PTK2: variants seen among roughly 807,000 people sequenced by gnomAD.
PTK2 encodes protein tyrosine kinase 2, also known as focal adhesion kinase 1.
PTK2 carries 45 observed loss-of-function variants against 150.1 expected under a neutral mutation model. The observed-to-expected ratio is 0.30, with a 90% CI of 0.24 to 0.38. The LOEUF is 0.38. PTK2 is among the 10% of genes least tolerant of loss of function. The pLI, the probability that PTK2 is intolerant of heterozygous loss-of-function variation, is 1.00. For synonymous variants in PTK2, 432 were observed against 449.2 expected, an observed-to-expected ratio of 0.96 and a Z score of 0.48; for missense variants, 919 against 1,307.3, an observed-to-expected ratio of 0.70 and a Z score of 4.58.
At chr8:140,748,454 C>A (rs577541778) in intron 17 of PTK2, among the ~76,000 whole-genome samples, 1 of 148,170 alleles carries the variant, frequency 6.7e-6, no homozygotes, top group South Asian at 2.1e-4. Context: ...GATTGCGTCA[C>A]TGCACTCCAT....
intron 20 of PTK2, among the ~76,000 whole-genome samples, chr8:140,740,301 A>G (rs1290470012): frequency 2.0e-5 from 3 of 152,202 alleles, no homozygotes; most frequent in Non-Finnish European, 4.4e-5. Flanking sequence ...GAGAGGAACT[A>G]ATGACTGAGA....
intron 3 of PTK2, among the ~76,000 whole-genome samples, chr8:140,886,948 C>T (rs544015615): frequency 1.3e-5 from 2 of 152,272 alleles, no homozygotes; most frequent in South Asian, 2.1e-4. Flanking sequence ...TCTTATTCAA[C>T]ATTGTACAGC....
chr8:140,958,327 T>A (rs1200154267), intron 1 of PTK2, among the ~76,000 whole-genome samples: 1 of 152,038 alleles, frequency 6.6e-6, no homozygotes, highest in African/African-American at 2.4e-5. Flanking sequence ...TAATTTTTTG[T>A]AGAGACAGGG....
intron 7 of PTK2, among the ~76,000 whole-genome samples, chr8:140,845,536 A>G (rs965454923): frequency 1.3e-5 from 2 of 152,340 alleles, no homozygotes; most frequent in Non-Finnish European, 2.9e-5. Flanking sequence ...TCACACATCA[A>G]GTACCATTCT....
intron 1 of PTK2, among the ~76,000 whole-genome samples, chr8:140,935,611 T>C (rs1478221189): frequency 6.6e-6 from 1 of 152,082 alleles, no homozygotes; most frequent in Non-Finnish European, 1.5e-5. Flanking sequence ...GACCTCTATC[T>C]GAGATTCACT....
intron 16 of PTK2, among the ~76,000 whole-genome samples, chr8:140,759,066 C>G (rs1188256997): frequency 6.6e-6 from 1 of 152,150 alleles, no homozygotes; most frequent in East Asian, 1.9e-4. Flanking sequence ...TCTAAGTTTG[C>G]GTAAGTATAC....
chr8:140,818,169 T>C (rs929034604), intron 10 of PTK2, 108 bp downstream of exon 10: 11 of 1,023,888 alleles, frequency 1.1e-5, no homozygotes, highest in East Asian at 2.5e-5. Flanking sequence ...TGCAGTGCAA[T>C]AGGAAAATTT....
At chr8:141,000,639 G>A (rs1286767161) in intron 1 of PTK2, among the ~76,000 whole-genome samples, 1 of 130,244 alleles carries the variant, frequency 7.7e-6, no homozygotes, top group African/African-American at 2.9e-5. Flanking sequence ...CAGGCCCCTC[G>A]GCCTCTCCGC....
intron 4 of PTK2, among the ~76,000 whole-genome samples, chr8:140,877,520 T>C (rs923961896): frequency 6.6e-6 from 1 of 152,136 alleles, no homozygotes; most frequent in African/African-American, 2.4e-5. Flanking sequence ...ATGTGTAAAA[T>C]AAGAACGATA....
At chr8:140,905,951 TA>T (rs1319114944) in intron 2 of PTK2, among the ~76,000 whole-genome samples, 8 of 151,554 alleles carry the variant, frequency 5.3e-5, no homozygotes, top group Non-Finnish European at 1.2e-4. Context: ...CAGAAATAAG[TA>T]AGTTATTTGA....
intron 2 of PTK2, among the ~76,000 whole-genome samples, chr8:140,904,072 T>C (rs1273778349): frequency 6.6e-6 from 1 of 152,224 alleles, no homozygotes; most frequent in Admixed American, 6.5e-5. Context: ...CATCCTTGTC[T>C]TGTGCCAGTT....
chr8:140,963,736 T>C (rs2100184219), intron 1 of PTK2, among the ~76,000 whole-genome samples: 1 of 152,208 alleles, frequency 6.6e-6, no homozygotes, highest in Admixed American at 6.5e-5. Context: ...TTCCCTATTC[T>C]GCTGACATTT....
chr8:140,860,246 G>T (rs2100135266), intron 5 of PTK2, among the ~76,000 whole-genome samples: 1 of 152,070 alleles, frequency 6.6e-6, no homozygotes, highest in African/African-American at 2.4e-5. Context: ...ACTGTAATAT[G>T]CTTATAAGCA....
intron 1 of PTK2, among the ~76,000 whole-genome samples, chr8:140,995,909 C>T (rs763017425): frequency 1.1e-4 from 16 of 152,024 alleles, no homozygotes; most frequent in South Asian, 2.1e-4. Context: ...TCAGTGAACA[C>T]GCAAATGATA....
chr8:140,925,219 TA>T (rs948080913), intron 2 of PTK2, among the ~76,000 whole-genome samples: 4 of 151,634 alleles, frequency 2.6e-5, no homozygotes, highest in African/African-American at 7.3e-5. Flanking sequence ...AGGAGGAATG[TA>T]AAAAAAAATT....
intron 3 of PTK2, among the ~76,000 whole-genome samples, chr8:140,889,916 C>G (rs2100153653): frequency 6.6e-6 from 1 of 152,170 alleles, no homozygotes; most frequent in South Asian, 2.1e-4. Context: ...TTCCCAGACC[C>G]AAAGGAAATC....
At chr8:140,710,189 C>A (rs1050626222) in intron 23 of PTK2, among the ~76,000 whole-genome samples, 1 of 151,472 alleles carries the variant, frequency 6.6e-6, no homozygotes, top group African/African-American at 2.4e-5. Flanking sequence ...ATCAGCTGGG[C>A]AATGGTGGCT....
At chr8:140,720,008 C>T (rs969642291) in intron 22 of PTK2, among the ~76,000 whole-genome samples, 1 of 151,824 alleles carries the variant, frequency 6.6e-6, no homozygotes, top group Admixed American at 6.6e-5. Context: ...CGGCCTGGTA[C>T]GTTCTAGCTG....
At chr8:140,831,056 A>G (rs1424394249) in intron 7 of PTK2, among the ~76,000 whole-genome samples, 2 of 152,220 alleles carry the variant, frequency 1.3e-5, no homozygotes, top group East Asian at 3.8e-4. Flanking sequence ...TCAGTTTCAC[A>G]TTAGGAAAAA....
Sources: allele counts gnomAD v4.1 joint callset (sites outside exome capture counted in the v4.1 genomes callset), GRCh38; gene constraint gnomAD v4.1.1; transcripts MANE v1.5; gene names NCBI Gene and HGNC (gene_info 2026-07-23, HGNC 2026-07-21).